The following ZNF438 variants were observed in gnomAD, a reference collection of about 807,000 sequenced individuals.
ZNF438 encodes the protein zinc finger protein 438.
Under a neutral mutation model 38.0 loss-of-function variants are expected in ZNF438, and 25 were observed. The observed-to-expected ratio is 0.66, with a 90% confidence interval of 0.48 to 0.92. The LOEUF is 0.92. Ranked by LOEUF, ZNF438 falls within the 40% of genes least tolerant of loss-of-function variation. The probability of loss-of-function intolerance (pLI) is 0.00; values close to 1 mark genes in which losing one functional copy is unlikely to be tolerated. For synonymous variants in ZNF438, 372 were observed against 364.1 expected (o/e 1.02, Z -0.25); for missense variants, 1,007 against 999.6 (o/e 1.01, Z -0.10).
At chr10:30,848,284 T>TG (rs2032753393) in intron 5 of ZNF438, among the ~76,000 whole-genome samples, 1 of 152,202 alleles carries the variant, frequency 6.6e-6, no homozygotes, top group Admixed American at 6.5e-5. Context: ...GGAAATTACT[T>TG]GTAAAGACCA....
At chr10:30,894,294 G>A (rs1253085547) in intron 3 of ZNF438, among the ~76,000 whole-genome samples, 2 of 152,118 alleles carry the variant, frequency 1.3e-5, no homozygotes, top group African/African-American at 2.4e-5. Context: ...AAACTGCTTC[G>A]GGTGTTTGGA....
chr10:30,930,165 G>A (rs551101878), intron 2 of ZNF438, among the ~76,000 whole-genome samples: 1 of 151,426 alleles, frequency 6.6e-6, no homozygotes, highest in Non-Finnish European at 1.5e-5. Flanking sequence ...GGGCGGGGGT[G>A]GGGGGGGAGT....
chr10:30,931,760 C>T (rs1028196440), intron 2 of ZNF438, among the ~76,000 whole-genome samples: 15 of 152,288 alleles, frequency 9.8e-5, no homozygotes, highest in Admixed American at 9.8e-4. Flanking sequence ...CCTTCTCTAT[C>T]AGAGCTCTCA....
intron 1 of ZNF438, among the ~76,000 whole-genome samples, chr10:31,031,284 G>C (rs1417338304): frequency 6.6e-6 from 1 of 152,142 alleles, no homozygotes; most frequent in East Asian, 1.9e-4. Flanking sequence ...CTAGTGCTGT[G>C]GGAACAACCA....
At chr10:30,850,960 G>A (rs956230013) in intron 4 of ZNF438, among the ~76,000 whole-genome samples, 4 of 152,204 alleles carry the variant, frequency 2.6e-5, no homozygotes, top group Non-Finnish European at 5.9e-5. Flanking sequence ...GTTTTGCACA[G>A]TGGATGCATT....
chr10:30,963,247 C>G (rs920092671), intron 1 of ZNF438, among the ~76,000 whole-genome samples: 2 of 151,740 alleles, frequency 1.3e-5, no homozygotes, highest in Non-Finnish European at 1.5e-5. Context: ...CAAAAATTAG[C>G]TGGGCATGGT....
intron 4 of ZNF438, among the ~76,000 whole-genome samples, chr10:30,857,390 G>A (rs2034842040): frequency 6.6e-6 from 1 of 151,922 alleles, no homozygotes; most frequent in Non-Finnish European, 1.5e-5. Flanking sequence ...GAGTAGCTGG[G>A]ATCACAGGCA....
chr10:30,891,433 TA>T (rs1226168197), intron 3 of ZNF438, among the ~76,000 whole-genome samples: 1 of 151,610 alleles, frequency 6.6e-6, no homozygotes, highest in East Asian at 1.9e-4. Flanking sequence ...CTGCCATTAA[TA>T]AACTTTTCCG....
chr10:31,018,043 T>C lies in ZNF438; in HGVS notation c.-192+13790A>G, dbSNP rs1589741193. ...TGTATGTATAACTGAAGCTTTTACA[T>C]AGTTCAAATGACTGGTTGAGGTGGA... On this transcript the variant is annotated intron_variant, in intron 1 of 5. Transcript: ENST00000413025. 2.6e-5 allele frequency among the ~76,000 whole-genome samples: 4 copies of C among 152,346 alleles called. No homozygotes were observed. The East Asian group carries it at 5.8e-4, about 22-fold the overall frequency.
At chr10:30,986,483 A>G (rs1213483404) in intron 1 of ZNF438, among the ~76,000 whole-genome samples, 2 of 152,230 alleles carry the variant, frequency 1.3e-5, no homozygotes, top group Non-Finnish European at 2.9e-5. Context: ...GAATGTGTTG[A>G]GCAATCCAAA....
At chr10:30,847,481 C>A (rs2032480560) in intron 5 of ZNF438, among the ~76,000 whole-genome samples, 1 of 152,214 alleles carries the variant, frequency 6.6e-6, no homozygotes. Flanking sequence ...ATCTTGCTCA[C>A]CCTCTACTTC....
chr10:31,008,377 C>T (rs61845203), intron 1 of ZNF438, among the ~76,000 whole-genome samples: 11,904 of 152,098 alleles, frequency 0.078, 482 homozygotes, highest in African/African-American at 0.099. Flanking sequence ...CCACAATCAC[C>T]GCAACTTTAG....
At chr10:30,945,419 T>G (rs1056082873) in intron 1 of ZNF438, among the ~76,000 whole-genome samples, 1 of 151,904 alleles carries the variant, frequency 6.6e-6, no homozygotes, top group Admixed American at 6.6e-5. Flanking sequence ...TTTACTTTTT[T>G]TTATTATACT....
At chr10:30,898,730 C>T (rs1036679074) in intron 3 of ZNF438, among the ~76,000 whole-genome samples, 2 of 152,028 alleles carry the variant, frequency 1.3e-5, no homozygotes, top group Admixed American at 1.3e-4. Context: ...GTATTTTCCG[C>T]ATTCCAATTT....
At position 30,992,179 on chromosome 10, in the gene ZNF438, A is replaced by T. The variant is rs115049128; in HGVS notation, c.-192+39654T>A. ...CCTATACACTGTAAGAAATAAATTT[A>T]TTTTTTGGTATTCTGTTATAGCAAC... On this transcript the variant is annotated intron_variant, in intron 1 of 5. Transcript: ENST00000413025. Among the ~76,000 whole-genome samples the T allele has an allele frequency of 6.7e-3, 1,013 of 152,278 alleles. 15 individuals are homozygous for T. Among genetic ancestry groups the T allele is most frequent in the African/African-American group, 0.023 (967 of 41,562 alleles).
intron 1 of ZNF438, among the ~76,000 whole-genome samples, chr10:30,944,596 C>T (rs3006574): frequency 0.74 from 112,884 of 152,068 alleles, 42,699 homozygotes; most frequent in African/African-American, 0.86. Flanking sequence ...GTTCAGTTGA[C>T]GAATGCCACT....
In ZNF438 at chr10:30,849,993, TG is replaced by T. The variant is rs1323582193; in HGVS notation, c.411del (p.Ile138SerfsTer2). 1 of 1,614,092 alleles carries T rather than the reference TG, an allele frequency of 6.2e-7. No homozygotes were observed. The highest frequency in any genetic ancestry group is 8.5e-7 in the Non-Finnish European group (1 of 1,179,986). Reference sequence around the variant, plus strand: ...CAGCCACTCTTAGGAAAGATCAGGATGGGTTTCTTTCTTGATGCTTTGCTAT... The same window carrying T: ...CAGCCACTCTTAGGAAAGATCAGGATGGTTTCTTTCTTGATGCTTTGCTAT... On this transcript the variant is annotated frameshift_variant, in exon 5 of 6. Coordinates refer to ENST00000413025, the Ensembl canonical transcript of ZNF438. LOFTEE classifies it high-confidence loss of function.
chr10:30,865,505 T>C lies in ZNF438; in HGVS notation c.37+11493A>G, dbSNP rs112953404. 2.6e-3 allele frequency among the ~76,000 whole-genome samples: 393 copies of C among 152,356 alleles called. 1 individual carries two copies. Among genetic ancestry groups the C allele is most frequent in the African/African-American group, 9.2e-3 (383 of 41,574 alleles). ...AATTTTAAAAATAATATACATTTCT[T>C]AGATACTTCTTAATCTTACACCACC... On this transcript the variant is annotated intron_variant, in intron 4 of 5. Coordinates refer to ENST00000413025, the Ensembl canonical transcript of ZNF438.
chr10:30,901,262 T>C (rs758562797), intron 3 of ZNF438, among the ~76,000 whole-genome samples: 3 of 152,162 alleles, frequency 2.0e-5, no homozygotes, highest in Admixed American at 6.5e-5. Context: ...ATGAAAACGA[T>C]TTTAGGGTAT....
Sources: allele counts gnomAD v4.1 joint callset (sites outside exome capture counted in the v4.1 genomes callset), GRCh38; gene constraint gnomAD v4.1.1; transcripts MANE v1.5; gene names NCBI Gene and HGNC (gene_info 2026-07-23, HGNC 2026-07-21).